Variants in PSMD2 observed in about 807,000 individuals in gnomAD.
PSMD2 encodes 26S proteasome non-ATPase regulatory subunit 2.
In PSMD2, 8 loss-of-function variants were observed where a neutral mutation model predicts 101.5. The observed-to-expected ratio is 0.08, with a 90% confidence interval of 0.05 to 0.14. The LOEUF is 0.14. Among genes scored for constraint, PSMD2 ranks in the 10% least tolerant of loss-of-function variants. The probability of loss-of-function intolerance (pLI) is 1.00; values close to 1 mark genes in which losing one functional copy is unlikely to be tolerated. For synonymous variants in PSMD2, 418 were observed against 433.8 expected (o/e 0.96, Z 0.45); for missense variants, 784 against 1,147.4 (o/e 0.68, Z 4.58).
rs756389794 is a variant in PSMD2, at chr3:184,300,430, C to T, written c.343C>T (p.Pro115Ser). 5 of 1,613,378 alleles carry T rather than the reference C, an allele frequency of 3.1e-6. No individual in the cohort carries two copies. The highest frequency in any genetic ancestry group is 2.5e-6 in the Non-Finnish European group (3 of 1,179,828). Residue 115 changes from proline (P) to serine (S), a missense_variant, in exon 3 of 21, where the codon CCT becomes TCT. This residue lies in a region of PSMD2 where 196 missense variants were observed against 182.4 expected (regional missense o/e 1.07). Coordinates refer to ENST00000310118, the MANE Select transcript of PSMD2 (RefSeq NM_002808.5). ...KLKEIYENMA[P>S]GENKRFAADI... The stretch of plus-strand genomic sequence containing the variant: ...GAAGGAAATCTATGAGAACATGGCC[C>T]CTGGGGAGAATAAGGTAAAACTGTT...
At position 184,307,660 on chromosome 3, in the gene PSMD2, A is replaced by G. The variant is rs747733507; in HGVS notation, c.2250A>G (p.Gln750=). The G allele has an allele frequency of 3.7e-6, 6 of 1,614,130 alleles. 1 individual carries two copies. In the South Asian group the frequency reaches 6.6e-5, roughly 18 times the overall value. The change falls in exon 18 of 21, where the codon CAA becomes CAG. Residue 750 remains glutamine, a synonymous_variant. Transcript: ENST00000310118. ...RLAAMLRQLA[Q]YHAKDPNNLF... is the part of the protein sequence containing the mutation. Reference sequence around the variant, plus strand: ...CTGCAATGCTGCGCCAGTTAGCTCAATATCATGCCAAGGACCCAAACAACC... The same window carrying G: ...CTGCAATGCTGCGCCAGTTAGCTCAGTATCATGCCAAGGACCCAAACAACC...
chr3:184,304,412 A>G lies in PSMD2; in HGVS notation c.1539+21A>G, dbSNP rs762721220. The G allele has an allele frequency of 1.2e-6, 2 of 1,605,468 alleles. No homozygotes were observed. The highest frequency in any genetic ancestry group is 1.7e-6 in the Non-Finnish European group (2 of 1,172,104). ...TGGAGGTGAGTAGAGGCTATTGAGC[A>G]TTTAGAGTAAGTAGGGAAGGTGCTT... On this transcript the variant is annotated intron_variant, in intron 12 of 20. Coordinates refer to ENST00000310118, the MANE Select transcript of PSMD2 (RefSeq NM_002808.5). The surrounding 1 kb of genome is among the most constrained non-coding windows in gnomAD (Gnocchi z 4.1).
chr3:184,301,504 G>C, intron 3 of PSMD2, 33 bp from the exon 4 acceptor site: 1 of 1,611,590 alleles, frequency 6.2e-7, no homozygotes, highest in Non-Finnish European at 8.5e-7. Context: ...CTGGACTGCT[G>C]GGTTTGACTT....
At chr3:184,306,528 C>T in intron 15 of PSMD2, 33 bp downstream of exon 15, 1 of 1,602,754 alleles carries the variant, frequency 6.2e-7, no homozygotes, top group Non-Finnish European at 8.5e-7. Context: ...TGCAGAGAGG[C>T]TGTGAGAAGA....
chr3:184,300,595 AGAG>A, intron 3 of PSMD2, 151 bp downstream of exon 3: 1 of 1,425,920 alleles, frequency 7.0e-7, no homozygotes. Context: ...TATCTACAGA[AGAG>A]CTGAAAGGAA....
rs779126471 is a variant in PSMD2, at chr3:184,308,895, C to A, written c.*5C>A. The A allele has an allele frequency of 6.2e-7, 1 of 1,609,836 alleles. No homozygotes were observed. The highest frequency in any genetic ancestry group is 1.1e-5 in the South Asian group (1 of 90,708). On this transcript the variant is annotated 3_prime_UTR_variant, in exon 21 of 21. Transcript: ENST00000310118. This position sits in a 1 kb window ranked among gnomAD's most constrained non-coding sequence, Gnocchi z 6.0. ...AACCCCAATTATGATCTCTAAGTGA[C>A]CACCAGGGGCTCTGAACTGCAGCTG...
At position 184,304,282 on chromosome 3, in the gene PSMD2, C is replaced by T. The variant is rs764991945; in HGVS notation, c.1452-22C>T. 1.9e-5 allele frequency: 30 copies of T among 1,611,606 alleles called. No homozygotes were observed. The highest frequency in any genetic ancestry group is 2.1e-5 in the Non-Finnish European group (25 of 1,177,784). ...GCATCGTTGGGTATGTGTTGGGGAC[C>T]GCCTTTCCATGGCTTTTGCAGGCTA... On this transcript the variant is annotated intron_variant, in intron 11 of 20. Coordinates refer to ENST00000310118, the MANE Select transcript of PSMD2 (RefSeq NM_002808.5). This position sits in a 1 kb window ranked among gnomAD's most constrained non-coding sequence, Gnocchi z 4.1.
intron 3 of PSMD2, chr3:184,300,715 T>C: frequency 9.1e-7 from 1 of 1,093,894 alleles, no homozygotes; most frequent in South Asian, 2.7e-5. Flanking sequence ...TTCTCTTTTC[T>C]TCTATCCCAT....
chr3:184,301,735 A>G (rs1316139411), intron 4 of PSMD2, 77 bp downstream of exon 4: 32 of 1,609,150 alleles, frequency 2.0e-5, no homozygotes, highest in South Asian at 6.6e-5. Flanking sequence ...GTGGAGTACA[A>G]TCTGTCTTGG....
chr3:184,305,890 T>G lies in PSMD2; in HGVS notation c.1662T>G (p.Tyr554Ter). ...CAGAGACTGAGCTCAAGGATACTTA[T>G]GCTCGTTGGCTTCCTCTTGGACTGG... ...EKSETELKDT[Y>*]ARWLPLGLGL... The change falls in exon 13 of 21, where the codon TAT becomes TAG. Residue 554 changes from tyrosine to a stop codon, truncating the protein, a stop_gained. Coordinates refer to ENST00000310118, the MANE Select transcript of PSMD2 (RefSeq NM_002808.5). LOFTEE classifies it high-confidence loss of function. 1 of 1,614,238 alleles carries G rather than the reference T, an allele frequency of 6.2e-7. No individual in the cohort carries two copies. The highest frequency in any genetic ancestry group is 8.5e-7 in the Non-Finnish European group (1 of 1,180,042).
chr3:184,307,799 T>A, intron 18 of PSMD2, 91 bp downstream of exon 18: 1 of 1,605,400 alleles, frequency 6.2e-7, no homozygotes, highest in South Asian at 1.1e-5. Flanking sequence ...GGAGGAAAGA[T>A]GTGACCAAGT....
intron 6 of PSMD2, 52 bp downstream of exon 6, chr3:184,302,580 C>A: frequency 6.2e-7 from 1 of 1,611,004 alleles, no homozygotes; most frequent in Non-Finnish European, 8.5e-7. Flanking sequence ...AGGACACTTG[C>A]ATAAAGAGCT....
chr3:184,305,960 G>C, intron 13 of PSMD2, 30 bp downstream of exon 13: 1 of 1,613,884 alleles, frequency 6.2e-7, no homozygotes, highest in Non-Finnish European at 8.5e-7. Context: ...TGGGCAAAGA[G>C]CTGACAGTAA....
At position 184,306,334 on chromosome 3, in the gene PSMD2, C is replaced by G; in HGVS notation, c.1805-16C>G. On this transcript the variant is annotated splice_polypyrimidine_tract_variant and intron_variant, in intron 14 of 20. Transcript: ENST00000310118. Reference sequence around the variant, plus strand: ...CTTCTCATTTCTGTCCATTCTCCCTCACCACCCTGACGCAGGCTCTGGGAA... The same window carrying G: ...CTTCTCATTTCTGTCCATTCTCCCTGACCACCCTGACGCAGGCTCTGGGAA... The G allele has an allele frequency of 6.2e-7, 1 of 1,611,704 alleles. No homozygotes were observed. Among genetic ancestry groups the G allele is most frequent in the Non-Finnish European group, 8.5e-7 (1 of 1,179,048 alleles).
Position 184,307,676 on chromosome 3 carries a change from C to G in PSMD2, c.2266C>G (p.Pro756Ala). Reference protein sequence around the residue: ...RQLAQYHAKDPNNLFMVRLAQ... With the variant: ...RQLAQYHAKDANNLFMVRLAQ... ...GTTAGCTCAATATCATGCCAAGGAC[C>G]CAAACAACCTCTTCATGGTGCGCTT... Residue 756 changes from proline to alanine, a missense_variant, in exon 18 of 21, where the codon CCA becomes GCA. Physicochemically the swap from Pro to Ala is conservative, Grantham distance 27. Around this residue, in one of 6 missense-constraint regions of PSMD2, gnomAD observed 282 missense variants for 437.6 expected, o/e 0.64. Coordinates refer to ENST00000310118, the MANE Select transcript of PSMD2 (RefSeq NM_002808.5). 6.2e-7 allele frequency: 1 copy of G among 1,614,130 alleles called. No homozygotes were observed. Among genetic ancestry groups the G allele is most frequent in the Non-Finnish European group, 8.5e-7 (1 of 1,180,026 alleles).
In PSMD2 at chr3:184,304,418, AG is replaced by A. The variant is rs751946460; in HGVS notation, c.1539+28del. 1 of 1,598,512 alleles carries A rather than the reference AG, an allele frequency of 6.3e-7. No homozygotes were observed. The highest frequency in any genetic ancestry group is 8.6e-7 in the Non-Finnish European group (1 of 1,165,754). On this transcript the variant is annotated intron_variant, in intron 12 of 20. Coordinates refer to ENST00000310118, the MANE Select transcript of PSMD2 (RefSeq NM_002808.5). This position sits in a 1 kb window ranked among gnomAD's most constrained non-coding sequence, Gnocchi z 4.1. ...TGAGTAGAGGCTATTGAGCATTTAG[AG>A]TAAGTAGGGAAGGTGCTTTGAGTCT...
rs776562352 is a variant in PSMD2, at chr3:184,307,377, A to G, written c.2055A>G (p.Thr685=). Residue 685 remains threonine, a synonymous_variant, in exon 17 of 21, where the codon ACA becomes ACG. Transcript: ENST00000310118. The stretch of plus-strand genomic sequence containing the variant: ...ATCAGCTGAGATATGGGGAGCCTAC[A>G]CTCCGGAGGGCTGTACCTTTAGCAC... The part of the protein sequence containing the change: ...FGHLLRYGEP[T]LRRAVPLALA... The G allele has an allele frequency of 4.3e-6, 7 of 1,613,974 alleles. No individual in the cohort carries two copies. In the Admixed American group the frequency reaches 1.0e-4, roughly 23 times the overall value.
Position 184,299,607 on chromosome 3 carries a change from A to C in PSMD2, c.135+206A>C, listed in dbSNP as rs1721574366. ...TCCGCCGTCCCCACCAACCCTCACC[A>C]CCGCCGCGTGAAGTGGACTCGGGCA... On this transcript the variant is annotated intron_variant, in intron 1 of 20. Coordinates refer to ENST00000310118, the MANE Select transcript of PSMD2 (RefSeq NM_002808.5). 2.3e-5 allele frequency: 17 copies of C among 749,998 alleles called. 1 individual carries two copies. Among genetic ancestry groups the C allele is most frequent in the Middle Eastern group, 4.2e-4 (1 of 2,408 alleles). 46.5% of individuals were successfully genotyped at this position (749,998 alleles called of 1,614,324 possible).
Position 184,303,704 on chromosome 3 carries a change from C to T in PSMD2, c.1278C>T (p.Leu426=). The change falls in exon 10 of 21, where the codon CTC becomes CTT. Residue 426 remains leucine (L), a synonymous_variant. Coordinates refer to ENST00000310118, the MANE Select transcript of PSMD2 (RefSeq NM_002808.5). ...MILLWDVDGG[L]TQIDKYLYSS... ...TGCTGTGGGATGTGGATGGTGGCCT[C>T]ACCCAGATTGACAAGTACCTGTACT... is the stretch of plus-strand genomic sequence containing the variant. 6.2e-7 allele frequency: 1 copy of T among 1,614,208 alleles called. No homozygotes were observed.
Sources: gnomAD v4.1 joint callset for allele counts on GRCh38, gnomAD v4.1.1 for gene constraint, gnomAD v4.1.1 regional missense constraint, Gnocchi (gnomAD v3.1) non-coding constraint, MANE v1.5 for transcripts, NCBI Gene and HGNC (gene_info 2026-07-23, HGNC 2026-07-21) for gene names.